The following MBNL1 variants were observed in gnomAD, a reference collection of about 807,000 sequenced individuals.
MBNL1 encodes muscleblind like splicing regulator 1.
In MBNL1, 8 loss-of-function variants were observed where a neutral mutation model predicts 42.2. The observed-to-expected ratio is 0.19, with a 90% CI of 0.11 to 0.34. The LOEUF is 0.34. Ranked by LOEUF, MBNL1 falls within the 10% of genes least tolerant of loss-of-function variation. The pLI is 1.00. For synonymous variants in MBNL1, 169 were observed against 173.9 expected (o/e 0.97, Z 0.22); for missense variants, 309 against 495.3 (o/e 0.62, Z 3.57).
intron 2 of MBNL1, among the ~76,000 whole-genome samples, chr3:152,303,390 A>G (rs1037812836): frequency 1.3e-5 from 2 of 152,292 alleles, no homozygotes; most frequent in South Asian, 2.1e-4. Flanking sequence ...GTTTTAATTT[A>G]TAATAGTCTA....
chr3:152,451,248 G>C (rs1407688837), intron 6 of MBNL1, among the ~76,000 whole-genome samples: 1 of 152,130 alleles, frequency 6.6e-6, no homozygotes. Flanking sequence ...AGAGTAGTTT[G>C]CTGGCAAAAG....
At chr3:152,312,567 G>A (rs771525425) in intron 2 of MBNL1, among the ~76,000 whole-genome samples, 8 of 152,190 alleles carry the variant, frequency 5.3e-5, no homozygotes, top group Non-Finnish European at 1.2e-4. Flanking sequence ...GTTCTTATCT[G>A]AATGCCAGAG....
chr3:152,347,269 A>G (rs1281224733), intron 2 of MBNL1, among the ~76,000 whole-genome samples: 2 of 152,060 alleles, frequency 1.3e-5, no homozygotes, highest in East Asian at 3.8e-4. Flanking sequence ...TGTTCATTAG[A>G]GAACCAAAAA....
intron 2 of MBNL1, among the ~76,000 whole-genome samples, chr3:152,386,828 T>C (rs981533434): frequency 2.0e-5 from 3 of 152,120 alleles, no homozygotes; most frequent in Non-Finnish European, 2.9e-5. Context: ...AAGCAGCATA[T>C]TTATAGTTTT....
At chr3:152,320,867 ATC>A (rs2076085252) in intron 2 of MBNL1, among the ~76,000 whole-genome samples, 1 of 151,962 alleles carries the variant, frequency 6.6e-6, no homozygotes, top group South Asian at 2.1e-4. Context: ...GGATTCCTAT[ATC>A]TCTGTTACAC....
chr3:152,408,944 T>C (rs2098503434), intron 2 of MBNL1, among the ~76,000 whole-genome samples: 1 of 152,206 alleles, frequency 6.6e-6, no homozygotes, highest in African/African-American at 2.4e-5. Context: ...GTGCTGAGGT[T>C]GAGAAATTGT....
rs540710803 is a variant in MBNL1, at chr3:152,449,890, A to G, written c.961+2117A>G. 7.7e-4 allele frequency among the ~76,000 whole-genome samples: 117 copies of G among 152,194 alleles called. 1 individual carries two copies. Among genetic ancestry groups the G allele is most frequent in the Non-Finnish European group, 1.5e-3 (102 of 68,014 alleles). Reference sequence around the variant, plus strand: ...GAGGCCGAGGCAGGTGGCTCACTTGAGGTCAGGAGTTTGAGGCCAGCGTGG... The same window carrying G: ...GAGGCCGAGGCAGGTGGCTCACTTGGGGTCAGGAGTTTGAGGCCAGCGTGG... On this transcript the variant is annotated intron_variant, in intron 6 of 9. Transcript: ENST00000324210.
At chr3:152,406,891 G>C (rs2098442213) in intron 2 of MBNL1, among the ~76,000 whole-genome samples, 1 of 152,234 alleles carries the variant, frequency 6.6e-6, no homozygotes, top group Non-Finnish European at 1.5e-5. Context: ...ATTATGCACT[G>C]ATGAAAAAAT....
intron 2 of MBNL1, among the ~76,000 whole-genome samples, chr3:152,325,212 T>C (rs2152482967): frequency 6.6e-6 from 1 of 151,750 alleles, no homozygotes; most frequent in African/African-American, 2.4e-5. Context: ...GCTCATACAT[T>C]CCCTCCTCTA....
At chr3:152,282,721 G>A (rs1479988901) in intron 1 of MBNL1, among the ~76,000 whole-genome samples, 1 of 151,778 alleles carries the variant, frequency 6.6e-6, no homozygotes, top group Non-Finnish European at 1.5e-5. Context: ...CTAGATGCCA[G>A]TAAATATTTA....
chr3:152,454,084 G>T (rs1206856060), intron 6 of MBNL1, among the ~76,000 whole-genome samples: 3 of 152,052 alleles, frequency 2.0e-5, no homozygotes, highest in South Asian at 4.1e-4. Context: ...GTTATTACTG[G>T]CTTGTTTCTG....
intron 2 of MBNL1, among the ~76,000 whole-genome samples, chr3:152,331,771 A>G (rs1456234035): frequency 6.6e-6 from 1 of 151,316 alleles, no homozygotes; most frequent in East Asian, 1.9e-4. Context: ...GATCTCAGCA[A>G]CCTCTGCCTC....
chr3:152,307,505 A>G (rs2063790578), intron 2 of MBNL1, among the ~76,000 whole-genome samples: 1 of 152,222 alleles, frequency 6.6e-6, no homozygotes, highest in Non-Finnish European at 1.5e-5. Context: ...ATGTATGTCA[A>G]TCAGTGTTTT....
At chr3:152,267,892 A>G (rs2037697569), upstream of MBNL1, 1 of 152,198 alleles carries the variant, frequency 6.6e-6, no homozygotes. Flanking sequence ...TTTTGTCCCA[A>G]CAAACATGGG....
rs141134412 is a variant in MBNL1, at chr3:152,451,553, T to C, written c.961+3780T>C. ...TAAACATTGATTGTATGCCACATGG[T>C]ATACCAGTATTTATGTGAAGGATTG... is the stretch of plus-strand genomic sequence containing the variant. On this transcript the variant is annotated intron_variant, in intron 6 of 9. Coordinates refer to ENST00000324210, the MANE Select transcript of MBNL1 (RefSeq NM_021038.5). Among the ~76,000 whole-genome samples, 572 of 152,254 alleles carry C rather than the reference T, an allele frequency of 3.8e-3. 3 individuals carry two copies. Among genetic ancestry groups the C allele is most frequent in the African/African-American group, 0.013 (549 of 41,514 alleles).
rs1294252613 is a variant in MBNL1, at chr3:152,464,025, A to G, written c.*1659A>G. ...TATTACATTACGGGTTGGAACCCAT[A>G]CCAATGTAATTTCAATCGTGTTAAG... On this transcript the variant is annotated 3_prime_UTR_variant, in exon 10 of 10. Coordinates refer to ENST00000324210, the MANE Select transcript of MBNL1 (RefSeq NM_021038.5). The G allele has an allele frequency of 2.6e-5, 4 of 152,734 alleles. No individual in the cohort carries two copies. The East Asian group carries it at 7.7e-4, about 29-fold the overall frequency. The allele number at this position is 152,734 out of a possible 1,614,324, so 9.5% of individuals were successfully genotyped here.
chr3:152,311,720 G>A (rs990800081), intron 2 of MBNL1, among the ~76,000 whole-genome samples: 1 of 151,436 alleles, frequency 6.6e-6, no homozygotes, highest in South Asian at 2.1e-4. Flanking sequence ...TAAGACTTTT[G>A]TTATATGTAA....
chr3:152,447,540 A>G (rs1712459280), intron 5 of MBNL1, 80 bp from the exon 6 acceptor site: 2 of 1,207,738 alleles, frequency 1.7e-6, no homozygotes, highest in Admixed American at 2.0e-5. Flanking sequence ...CTTCCTAACA[A>G]TTTTAGCCTT....
chr3:152,379,024 A>G (rs1469209523), intron 2 of MBNL1, among the ~76,000 whole-genome samples: 1 of 152,162 alleles, frequency 6.6e-6, no homozygotes, highest in Non-Finnish European at 1.5e-5. Flanking sequence ...CCTGAAGTTT[A>G]AAATGTATGT....
Sources: allele counts gnomAD v4.1 joint callset (sites outside exome capture counted in the v4.1 genomes callset), GRCh38; gene constraint gnomAD v4.1.1; transcripts MANE v1.5; gene names NCBI Gene and HGNC (gene_info 2026-07-23, HGNC 2026-07-21).